The following BTN2A1 variants were observed in gnomAD, a reference collection of about 807,000 sequenced individuals.
The protein encoded by BTN2A1 is butyrophilin, subfamily 2, member A1.
Under a neutral mutation model 34.5 loss-of-function variants are expected in BTN2A1, and 41 were observed. The observed-to-expected ratio is 1.19, with a 90% confidence interval of 0.93 to 1.54. The LOEUF is 1.54. Ranked by LOEUF, BTN2A1 falls within the 40% of genes most tolerant of loss-of-function variation. The pLI, the probability that BTN2A1 is intolerant of heterozygous loss-of-function variation, is 0.00. For missense variants in BTN2A1, 642 were observed against 662.0 expected (o/e 0.97, Z 0.33); for synonymous variants, 267 against 258.6 (o/e 1.03, Z -0.31).
chr6:26,458,627 C>T lies in BTN2A1; in HGVS notation c.-10C>T, dbSNP rs777895127. The T allele has an allele frequency of 6.2e-7, 1 of 1,614,100 alleles. No individual in the cohort carries two copies. The highest frequency in any genetic ancestry group is 2.2e-5 in the East Asian group (1 of 44,874). On this transcript the variant is annotated 5_prime_UTR_variant, in exon 2 of 8. Transcript: ENST00000312541. Reference sequence around the variant, plus strand: ...CCTAGGCCTCCTGTCCCTGCCTGCTCTGGGTGCTCATGGAATCAGCTGCTG... The same window carrying T: ...CCTAGGCCTCCTGTCCCTGCCTGCTTTGGGTGCTCATGGAATCAGCTGCTG...
chr6:26,470,273 T>A (rs1053833916), downstream of BTN2A1, among the ~76,000 whole-genome samples: 8 of 151,950 alleles, frequency 5.3e-5, no homozygotes, highest in Non-Finnish European at 8.8e-5. Flanking sequence ...TGAACCCCAG[T>A]GGGGTGGAGG....
At chr6:26,464,212 G>T (rs1421283336) in intron 4 of BTN2A1, among the ~76,000 whole-genome samples, 1 of 152,094 alleles carries the variant, frequency 6.6e-6, no homozygotes, top group Non-Finnish European at 1.5e-5. Flanking sequence ...CTGTGCAGGG[G>T]ATTTTCCACA....
chr6:26,468,532 A>G lies in BTN2A1; in HGVS notation c.1567A>G (p.Thr523Ala). The G allele has an allele frequency of 6.2e-7, 1 of 1,614,002 alleles. No homozygotes were observed. Among genetic ancestry groups the G allele is most frequent in the Non-Finnish European group, 8.5e-7 (1 of 1,180,004 alleles). ...EEGLTLHRVG[T>A]HQSL ...GGGCCTGACACTTCACAGAGTGGGG[A>G]CCCACCAGAGCCTATAGAATCAATT... The change falls in exon 8 of 8, where the codon ACC becomes GCC. Residue 523 changes from threonine to alanine, a missense_variant. Transcript: ENST00000312541.
In BTN2A1 at chr6:26,469,351, G is replaced by A; in HGVS notation, c.*802G>A. On this transcript the variant is annotated 3_prime_UTR_variant, in exon 8 of 8. Transcript: ENST00000312541. ...GGACACCAGTGGCTTCAAACTTCCT[G>A]GTTTCATGATATCTTGAGACGCCTT... is the stretch of plus-strand genomic sequence containing the variant. 4 of 985,656 alleles carry A rather than the reference G, an allele frequency of 4.1e-6. No individual in the cohort carries two copies. The highest frequency in any genetic ancestry group is 4.8e-6 in the Non-Finnish European group (4 of 830,134). The allele number at this position is 985,656 out of a possible 1,614,324, so 61.1% of individuals were successfully genotyped here.
intron 5 of BTN2A1, among the ~76,000 whole-genome samples, 179 bp downstream of exon 5, chr6:26,465,585 A>G (rs1197099200): frequency 6.6e-6 from 1 of 152,128 alleles, no homozygotes; most frequent in Non-Finnish European, 1.5e-5. Flanking sequence ...CACCATAGAA[A>G]GGACACAGCT....
chr6:26,466,082 C>T lies in BTN2A1; in HGVS notation c.976C>T (p.His326Tyr). Residue 326 changes from histidine to tyrosine, a missense_variant, in exon 7 of 8, where the codon CAT becomes TAT. Transcript: ENST00000312541. ...TGCAGGATGGAGAAGAACATTCTTA[C>T]ATGCTGGTGAGTGCCTCTGATGTTC... ...EELRWRRTFL[H>Y]AVDVVLDPDT... 1 of 1,613,786 alleles carries T rather than the reference C, an allele frequency of 6.2e-7. No individual in the cohort carries two copies. The highest frequency in any genetic ancestry group is 8.5e-7 in the Non-Finnish European group (1 of 1,180,042).
Position 26,468,329 on chromosome 6 carries a change from A to G in BTN2A1, c.1364A>G (p.Asp455Gly). The change falls in exon 8 of 8, where the codon GAC (aspartate) becomes GGC (glycine). Residue 455 changes from aspartate (D) to glycine (G), a missense_variant. Transcript: ENST00000312541. ...ESLCRVGVFL[D>G]YEAGDVSFYN... Reference sequence around the variant, plus strand: ...CTTTGCCGGGTGGGCGTCTTCCTGGACTATGAAGCTGGAGATGTCTCCTTC... The same window carrying G: ...CTTTGCCGGGTGGGCGTCTTCCTGGGCTATGAAGCTGGAGATGTCTCCTTC... The G allele has an allele frequency of 6.2e-7, 1 of 1,614,166 alleles. No individual in the cohort carries two copies. Among genetic ancestry groups the G allele is most frequent in the Non-Finnish European group, 8.5e-7 (1 of 1,180,016 alleles).
rs760563992 is a variant in BTN2A1 at position 26,468,297 on chromosome 6, G to A, written c.1332G>A (p.Lys444=). ...VSSPDRILPL[K]ESLCRVGVFL... ...CCCCTGATAGGATTCTCCCTTTGAAGGAGTCCCTTTGCCGGGTGGGCGTCT... is the reference window on the plus strand; with the variant it reads ...CCCCTGATAGGATTCTCCCTTTGAAAGAGTCCCTTTGCCGGGTGGGCGTCT... The change falls in exon 8 of 8, where the codon AAG becomes AAA. Residue 444 remains lysine (K), a synonymous_variant. Coordinates refer to ENST00000312541, the MANE Select transcript of BTN2A1 (RefSeq NM_007049.5). 5 of 1,614,110 alleles carry A rather than the reference G, an allele frequency of 3.1e-6. No individual in the cohort carries two copies. The highest frequency in any genetic ancestry group is 3.4e-6 in the Non-Finnish European group (4 of 1,180,054).
chr6:26,465,211 T>G lies in BTN2A1; in HGVS notation c.739T>G (p.Cys247Gly). 1 of 1,614,146 alleles carries G rather than the reference T, an allele frequency of 6.2e-7. No homozygotes were observed. Among genetic ancestry groups the G allele is most frequent in the South Asian group, 1.1e-5 (1 of 91,080 alleles). Residue 247 changes from cysteine to glycine, a missense_variant, in exon 5 of 8, where the codon TGT becomes GGT. Cys to Gly is a radical substitution (Grantham distance 159, BLOSUM62 -3). Transcript: ENST00000312541. ...ATCCTTTATGCCCAGTGTGTCTCCC[T>G]GTGCAGTGGCCCTGCCTATCATTGT... The part of the protein sequence containing the change: ...PESFMPSVSP[C>G]AVALPIIVVI...
At chr6:26,467,612 A>C in intron 7 of BTN2A1, 300 of 1,216,660 alleles carry the variant, frequency 2.5e-4, no homozygotes, top group Non-Finnish European at 2.9e-4. Context: ...ACGCCTGGCC[A>C]GAGATCATAT....
intron 7 of BTN2A1, among the ~76,000 whole-genome samples, chr6:26,474,968 G>A (rs563506762): frequency 1.3e-5 from 2 of 152,056 alleles, no homozygotes; most frequent in East Asian, 1.9e-4. Context: ...CAGGCTGGCC[G>A]GCCAGGCTGG....
chr6:26,465,516 G>A, intron 5 of BTN2A1, 110 bp downstream of exon 5: 1 of 969,050 alleles, frequency 1.0e-6, no homozygotes, highest in East Asian at 2.5e-5. Flanking sequence ...GGGCGATAAA[G>A]TGAGACCCTG....
At chr6:26,462,989 G>T (rs1037476786) in intron 3 of BTN2A1, 1 of 1,055,426 alleles carries the variant, frequency 9.5e-7, no homozygotes, top group Non-Finnish European at 1.3e-6. Context: ...TAGGTGGACC[G>T]CAAAGAAAAG....
rs1763108829 is a variant in BTN2A1 at position 26,459,706 on chromosome 6, TCAG to T, written c.312_314del (p.Ser104del). On this transcript the variant is annotated inframe_deletion, in exon 3 of 8. Coordinates refer to ENST00000312541, the MANE Select transcript of BTN2A1 (RefSeq NM_007049.5). ...AGAACCACCTTTGTGAGCAAAGACA[TCAG>T]CAGGGGCAGCGTGGCCCTGGTCATA... 6.2e-7 allele frequency: 1 copy of T among 1,614,058 alleles called. No individual in the cohort carries two copies. The highest frequency in any genetic ancestry group is 1.7e-5 in the Admixed American group (1 of 60,006).
Position 26,468,063 on chromosome 6 carries a change from A to C in BTN2A1, c.1098A>C (p.Pro366=). ...RHLGESVPDN[P]ERFDSQPCVL... The stretch of plus-strand genomic sequence containing the variant: ...TAGGGGAGAGCGTGCCTGACAACCC[A>C]GAGAGATTCGACAGTCAGCCTTGTG... Residue 366 remains proline, a synonymous_variant, in exon 8 of 8, where the codon CCA becomes CCC. Coordinates refer to ENST00000312541, the MANE Select transcript of BTN2A1 (RefSeq NM_007049.5). The C allele has an allele frequency of 1.9e-6, 3 of 1,614,180 alleles. No homozygotes were observed. The highest frequency in any genetic ancestry group is 2.5e-6 in the Non-Finnish European group (3 of 1,180,020).
chr6:26,468,797 C>A lies in BTN2A1; in HGVS notation c.*248C>A. 5 of 1,587,222 alleles carry A rather than the reference C, an allele frequency of 3.2e-6. No homozygotes were observed. The South Asian group carries it at 4.4e-5, about 14-fold the overall frequency. ...TCCAGGCATAGGGAACTAGTTGTTA[C>A]ACAGCTCCCAGCCAAGAAGAAAGTG... On this transcript the variant is annotated 3_prime_UTR_variant, in exon 8 of 8. Transcript: ENST00000312541.
At chr6:26,476,267 C>T (rs1763536865) in exon 8 of BTN2A1, 1 of 1,257,168 alleles carries the variant, frequency 8.0e-7, no homozygotes, top group Non-Finnish European at 1.1e-6. Flanking sequence ...TTGGAAAGAA[C>T]TGCTGAGCGG....
Position 26,459,605 on chromosome 6 carries a change from T to C in BTN2A1, c.207T>C (p.Ser69=). The C allele has an allele frequency of 6.2e-7, 1 of 1,613,992 alleles. No individual in the cohort carries two copies. The highest frequency in any genetic ancestry group is 8.5e-7 in the Non-Finnish European group (1 of 1,180,010). The change falls in exon 3 of 8, where the codon TCT becomes TCC. Residue 69 remains serine, a synonymous_variant. Transcript: ENST00000312541. ...ACATGGAGGTGCGGTGGTTCCGGTC[T>C]CAGTTCTCCCCCGCAGTGTTTGTGT... ...AEDMEVRWFR[S]QFSPAVFVYK...
chr6:26,459,862 A>C, intron 3 of BTN2A1, 34 bp downstream of exon 3: 1 of 1,578,916 alleles, frequency 6.3e-7, no homozygotes, highest in Non-Finnish European at 8.6e-7. Flanking sequence ...TTACTTTGGC[A>C]CAGTGTGACT....
Sources: gnomAD v4.1 joint callset for allele counts (sites outside exome capture counted in the v4.1 genomes callset) on GRCh38, gnomAD v4.1.1 for gene constraint, MANE v1.5 for transcripts, NCBI Gene and HGNC (gene_info 2026-07-23, HGNC 2026-07-21) for gene names.